Variants in VPS13B observed in about 807,000 individuals in gnomAD.
The protein encoded by VPS13B is vacuolar protein sorting 13 homolog B, also known as intermembrane lipid transfer protein VPS13B.
VPS13B carries 285 observed loss-of-function variants against 426.4 expected under a neutral mutation model. The ratio of observed to expected loss-of-function variants is 0.67; its 90% confidence interval spans 0.61 to 0.74. The LOEUF is 0.74. VPS13B is among the 30% of genes least tolerant of loss of function. The pLI, the probability that VPS13B is intolerant of heterozygous loss-of-function variation, is 0.00. For synonymous variants in VPS13B, 1,676 were observed against 1,676.4 expected, an observed-to-expected ratio of 1.00 and a Z score of 0.01; for missense variants, 4,537 against 4,782.6, an observed-to-expected ratio of 0.95 and a Z score of 1.51.
At chr8:99,395,345 C>T (rs1475601227) in intron 21 of VPS13B, among the ~76,000 whole-genome samples, 1 of 152,178 alleles carries the variant, frequency 6.6e-6, no homozygotes, top group Admixed American at 6.5e-5. Context: ...GGCGATGAGA[C>T]CTCACAGGGT....
intron 19 of VPS13B, among the ~76,000 whole-genome samples, chr8:99,291,302 C>A (rs993080451): frequency 2.6e-5 from 4 of 152,030 alleles, no homozygotes; most frequent in African/African-American, 9.7e-5. Flanking sequence ...ACCAAGTTTT[C>A]TTTAGGGTAA....
intron 43 of VPS13B, among the ~76,000 whole-genome samples, chr8:99,788,269 A>C (rs1280189762): frequency 6.6e-6 from 1 of 151,006 alleles, no homozygotes; most frequent in Non-Finnish European, 1.5e-5. Context: ...AAATTTAAAA[A>C]GTATGTGTGG....
chr8:99,642,505 A>C lies in VPS13B; in HGVS notation c.5908+7A>C. On this transcript the variant is annotated splice_region_variant and intron_variant, in intron 34 of 61. Coordinates refer to ENST00000357162, the MANE Select transcript of VPS13B (RefSeq NM_152564.5). ...TCTGATTACAAATGTATAGGTAAGA[A>C]CCTTCAAACTTACTGGAGTGCTAAT... is the stretch of plus-strand genomic sequence containing the variant. 2 of 1,608,390 alleles carry C rather than the reference A, an allele frequency of 1.2e-6. No homozygotes were observed. The highest frequency in any genetic ancestry group is 1.7e-6 in the Non-Finnish European group (2 of 1,177,550).
chr8:99,035,436 A>G (rs1297992146), intron 2 of VPS13B, among the ~76,000 whole-genome samples: 2 of 152,130 alleles, frequency 1.3e-5, no homozygotes, highest in African/African-American at 4.8e-5. Flanking sequence ...ATCTTTTCGT[A>G]ACTGGCTTAT....
chr8:99,506,775 T>G (rs191863374), intron 27 of VPS13B, among the ~76,000 whole-genome samples: 7 of 152,300 alleles, frequency 4.6e-5, no homozygotes, highest in Non-Finnish European at 8.8e-5. Flanking sequence ...GTGGATTGCT[T>G]GAGCCCAGGA....
At chr8:99,548,514 T>G (rs1824108333) in intron 30 of VPS13B, among the ~76,000 whole-genome samples, 1 of 152,000 alleles carries the variant, frequency 6.6e-6, no homozygotes, top group Non-Finnish European at 1.5e-5. Context: ...CCCCATAAAT[T>G]TATACATTAT....
chr8:99,315,555 G>C (rs1809595826), intron 19 of VPS13B, among the ~76,000 whole-genome samples: 1 of 147,390 alleles, frequency 6.8e-6, no homozygotes, highest in African/African-American at 2.5e-5. Context: ...AAATTTCTTT[G>C]CATCATTTAT....
At chr8:99,729,421 G>A (rs536784599) in intron 39 of VPS13B, among the ~76,000 whole-genome samples, 7 of 152,112 alleles carry the variant, frequency 4.6e-5, no homozygotes, top group Non-Finnish European at 8.8e-5. Flanking sequence ...AAATCCTGTC[G>A]CTGTCTTCCC....
chr8:99,088,041 G>T, intron 3 of VPS13B, among the ~76,000 whole-genome samples: 1 of 151,864 alleles, frequency 6.6e-6, no homozygotes, highest in Non-Finnish European at 1.5e-5. Flanking sequence ...AAAATTAGCT[G>T]GGCGTGGTGG....
intron 28 of VPS13B, among the ~76,000 whole-genome samples, chr8:99,510,015 T>G (rs1296467449): frequency 6.6e-6 from 1 of 152,168 alleles, no homozygotes; most frequent in Middle Eastern, 3.2e-3. Context: ...TTATGATAAT[T>G]TTTTTACTCT....
At chr8:99,847,549 A>G (rs1456906277) in intron 54 of VPS13B, among the ~76,000 whole-genome samples, 1 of 152,166 alleles carries the variant, frequency 6.6e-6, no homozygotes, top group East Asian at 1.9e-4. Context: ...GTGGCAGGCA[A>G]GGGCCTCAGC....
At chr8:99,637,729 A>G (rs1280617094) in intron 33 of VPS13B, among the ~76,000 whole-genome samples, 1 of 152,266 alleles carries the variant, frequency 6.6e-6, no homozygotes, top group Non-Finnish European at 1.5e-5. Context: ...CTATGGGAAC[A>G]CTTAATCCAC....
intron 35 of VPS13B, among the ~76,000 whole-genome samples, chr8:99,680,921 C>A (rs1831129576): frequency 6.6e-6 from 1 of 152,032 alleles, no homozygotes. Flanking sequence ...TCTTAATGAT[C>A]AGATTAATAT....
At chr8:99,115,622 C>G (rs117804718) in intron 6 of VPS13B, 78 bp from the exon 7 acceptor site, 15,675 of 1,432,894 alleles carry the variant, frequency 0.011, 118 homozygotes, top group Non-Finnish European at 0.014. Flanking sequence ...CATTTAAAGA[C>G]TTTAAAACAT....
intron 15 of VPS13B, among the ~76,000 whole-genome samples, chr8:99,163,969 C>T (rs1043985688): frequency 6.6e-6 from 1 of 152,172 alleles, no homozygotes; most frequent in Non-Finnish European, 1.5e-5. Flanking sequence ...CTCAATCCCC[C>T]CTCTAAACAG....
chr8:99,082,272 G>T (rs1845523400), intron 3 of VPS13B, among the ~76,000 whole-genome samples: 1 of 152,170 alleles, frequency 6.6e-6, no homozygotes, highest in Non-Finnish European at 1.5e-5. Flanking sequence ...TTTGATAAGT[G>T]TCTGTTCATA....
At chr8:99,253,754 A>G (rs1032316625) in intron 17 of VPS13B, among the ~76,000 whole-genome samples, 3 of 152,006 alleles carry the variant, frequency 2.0e-5, no homozygotes, top group African/African-American at 7.2e-5. Context: ...GTTAGACTCT[A>G]TGTCTGCCAT....
At chr8:99,337,212 A>C (rs933293262) in intron 19 of VPS13B, among the ~76,000 whole-genome samples, 1 of 152,114 alleles carries the variant, frequency 6.6e-6, no homozygotes, top group Non-Finnish European at 1.5e-5. Flanking sequence ...TGTCCTTTGT[A>C]GGGACATGGA....
intron 54 of VPS13B, among the ~76,000 whole-genome samples, chr8:99,846,453 G>A (rs761507921): frequency 1.3e-5 from 2 of 152,172 alleles, no homozygotes; most frequent in Non-Finnish European, 2.9e-5. Flanking sequence ...ACCAAGATAA[G>A]GATTTACTTT....
Sources: allele counts gnomAD v4.1 joint callset (sites outside exome capture counted in the v4.1 genomes callset), GRCh38; gene constraint gnomAD v4.1.1; transcripts MANE v1.5; gene names NCBI Gene and HGNC (gene_info 2026-07-23, HGNC 2026-07-21).